Variants in ANKRD55 observed in about 807,000 individuals in gnomAD.
ANKRD55 encodes ankyrin repeat domain 55.
Under a neutral mutation model 60.6 loss-of-function variants are expected in ANKRD55, and 41 were observed. The observed-to-expected ratio is 0.68, with a 90% CI of 0.53 to 0.88. The LOEUF is 0.88. Ranked by LOEUF, ANKRD55 falls within the 40% of genes least tolerant of loss-of-function variation. ANKRD55 has a pLI of 0.00. For synonymous variants in ANKRD55, 264 were observed against 290.3 expected (o/e 0.91, Z 0.92); for missense variants, 732 against 767.6 (o/e 0.95, Z 0.55).
At chr5:56,115,687 G>C (rs995260317) in intron 9 of ANKRD55, among the ~76,000 whole-genome samples, 5 of 151,966 alleles carry the variant, frequency 3.3e-5, no homozygotes, top group Non-Finnish European at 7.4e-5. Context: ...ATAAAACAAT[G>C]CTGCTCTTCT....
chr5:56,160,324 C>T (rs1225543135), intron 5 of ANKRD55, among the ~76,000 whole-genome samples: 3 of 152,198 alleles, frequency 2.0e-5, no homozygotes, highest in East Asian at 3.8e-4. Context: ...CTGCAAGCTC[C>T]GCCTCCCGGA....
At chr5:56,139,698 C>A (rs1757702511) in intron 7 of ANKRD55, among the ~76,000 whole-genome samples, 1 of 152,140 alleles carries the variant, frequency 6.6e-6, no homozygotes, top group African/African-American at 2.4e-5. Flanking sequence ...AACCAAGGAC[C>A]AACAGTGACC....
chr5:56,160,029 T>C, intron 5 of ANKRD55, 136 bp from the exon 6 acceptor site: 1 of 681,298 alleles, frequency 1.5e-6, no homozygotes, highest in Non-Finnish European at 2.5e-6. Context: ...TTTCCGTTTC[T>C]CTGGGAAAAA....
intron 4 of ANKRD55, among the ~76,000 whole-genome samples, chr5:56,175,062 A>T (rs141286224): frequency 1.3e-5 from 2 of 152,328 alleles, no homozygotes; most frequent in East Asian, 3.9e-4. Context: ...GACACAAAAG[A>T]TCTGTGGACC....
In ANKRD55 at chr5:56,116,800, A is replaced by G. The variant is rs77365409; in HGVS notation, c.798-18T>C. The G allele has an allele frequency of 0.038, 60,296 of 1,583,294 alleles. 1,377 individuals are homozygous for G. The highest frequency in any genetic ancestry group is 0.067 in the Admixed American group (3,594 of 53,818). ...GAGGTGTCCTGGAGGGGCCATGTGA[A>G]AAAAGCACAAGCGTCTGAGCATGTG... On this transcript the variant is annotated intron_variant, in intron 8 of 11. Transcript: ENST00000341048.
In ANKRD55 at chr5:56,136,458, T is replaced by A. The variant is rs982917369; in HGVS notation, c.612+7343A>T. ...ACAGCCAAGAAATAGACCCACATAATCAACTGATATTTGACAAAAGAGTAA... is the reference window on the plus strand; with the variant it reads ...ACAGCCAAGAAATAGACCCACATAAACAACTGATATTTGACAAAAGAGTAA... On this transcript the variant is annotated intron_variant, in intron 7 of 11. Coordinates refer to ENST00000341048, the MANE Select transcript of ANKRD55 (RefSeq NM_024669.3). Among the ~76,000 whole-genome samples, 3 of 152,088 alleles carry A rather than the reference T, an allele frequency of 2.0e-5. No individual in the cohort carries two copies. The South Asian group carries it at 6.2e-4, about 32-fold the overall frequency.
intron 5 of ANKRD55, among the ~76,000 whole-genome samples, chr5:56,170,354 A>T (rs1013713698): frequency 2.0e-5 from 3 of 152,238 alleles, no homozygotes; most frequent in African/African-American, 7.2e-5. Context: ...ATTTCAAAGG[A>T]CTAGAACAGT....
chr5:56,124,309 T>A (rs923227788), intron 8 of ANKRD55, among the ~76,000 whole-genome samples: 29 of 152,152 alleles, frequency 1.9e-4, no homozygotes, highest in Non-Finnish European at 2.6e-4. Context: ...TGTTTTACTA[T>A]CTGGGAGGCC....
At chr5:56,151,769 T>C (rs1422474327) in intron 6 of ANKRD55, among the ~76,000 whole-genome samples, 1 of 150,586 alleles carries the variant, frequency 6.6e-6, no homozygotes, top group Non-Finnish European at 1.5e-5. Context: ...GCCAAAATAG[T>C]GCCACTGCAT....
chr5:56,166,092 TTC>T (rs1410321177), intron 5 of ANKRD55, among the ~76,000 whole-genome samples: 1 of 19,888 alleles, frequency 5.0e-5, no homozygotes, highest in Non-Finnish European at 1.4e-4. Flanking sequence ...TTCTTTTTCT[TTC>T]TTTCTTTCTT....
chr5:56,129,204 C>T (rs1214984394), intron 7 of ANKRD55, among the ~76,000 whole-genome samples: 2 of 152,002 alleles, frequency 1.3e-5, no homozygotes, highest in Non-Finnish European at 1.5e-5. Context: ...GTCACAGAGA[C>T]CAGGAGACAC....
intron 2 of ANKRD55, among the ~76,000 whole-genome samples, chr5:56,217,367 T>C (rs774003961): frequency 2.0e-5 from 3 of 152,240 alleles, no homozygotes; most frequent in Non-Finnish European, 4.4e-5. Flanking sequence ...AGATTAATGT[T>C]GTTTTCATGC....
intron 10 of ANKRD55, among the ~76,000 whole-genome samples, chr5:56,107,704 C>T (rs1756525918): frequency 6.6e-6 from 1 of 152,090 alleles, no homozygotes; most frequent in South Asian, 2.1e-4. Context: ...ACGCATTTTT[C>T]CCCCTCTCTA....
At chr5:56,186,831 AC>A (rs1488400924) in intron 2 of ANKRD55, among the ~76,000 whole-genome samples, 3 of 152,228 alleles carry the variant, frequency 2.0e-5, no homozygotes, top group African/African-American at 7.2e-5. Flanking sequence ...CAGAAACAGG[AC>A]AAAGATGGAG....
rs191241888 is a variant in ANKRD55 at position 56,109,747 on chromosome 5, C to T, written c.1630+1371G>A. 1.7e-3 allele frequency among the ~76,000 whole-genome samples: 259 copies of T among 152,226 alleles called. 3 individuals are homozygous for T. Among genetic ancestry groups the T allele is most frequent in the Admixed American group, 3.4e-3 (52 of 15,292 alleles). ...ATAAAAATATAAATTCTATGCCAGG[C>T]GCGGTGGCTCACGCCTGTAATCCCA... On this transcript the variant is annotated intron_variant, in intron 10 of 11. Transcript: ENST00000341048.
At chr5:56,127,239 A>C (rs1757291272) in intron 7 of ANKRD55, 133 bp from the exon 8 acceptor site, 1 of 1,303,610 alleles carries the variant, frequency 7.7e-7, no homozygotes. Context: ...AGAGAAAAGG[A>C]AATGGAAAAA....
chr5:56,173,586 A>ATATAT (rs1758667510), intron 4 of ANKRD55, among the ~76,000 whole-genome samples: 1 of 114,442 alleles, frequency 8.7e-6, no homozygotes, highest in South Asian at 2.8e-4. Context: ...CTCTCTCTAT[A>ATATAT]TATATATATA....
chr5:56,147,129 T>A, intron 6 of ANKRD55, among the ~76,000 whole-genome samples: 1 of 152,194 alleles, frequency 6.6e-6, no homozygotes, highest in Non-Finnish European at 1.5e-5. Flanking sequence ...GAGCTTTGTA[T>A]ATTCTATCTC....
In ANKRD55 at chr5:56,232,745, AACACACAC is replaced by A. The variant is rs142447793; in HGVS notation, c.58+103_58+110del. 7 of 870,926 alleles carry A rather than the reference AACACACAC, an allele frequency of 8.0e-6. No homozygotes were observed. In the Admixed American group the frequency reaches 8.4e-5, roughly 10 times the overall value. The allele number at this position is 870,926 out of a possible 1,614,324, so 53.9% of individuals were successfully genotyped here. On this transcript the variant is annotated intron_variant, in intron 2 of 11. Transcript: ENST00000341048. ...ATACTCATGCACACCCACGCACATG[AACACACAC>A]ACACACACACACACACTTCTCTTTC...
Sources: allele counts gnomAD v4.1 joint callset (sites outside exome capture counted in the v4.1 genomes callset), GRCh38; gene constraint gnomAD v4.1.1; transcripts MANE v1.5; gene names NCBI Gene and HGNC (gene_info 2026-07-23, HGNC 2026-07-21).